Variants in ZC4H2 observed in about 807,000 individuals in gnomAD.
ZC4H2 encodes zinc finger C4H2 domain-containing protein.
For missense variants in ZC4H2, 137 were observed against 173.9 expected (o/e 0.79, Z 1.19); for synonymous variants, 84 against 66.3 (o/e 1.27, Z -1.30).
intron 1 of ZC4H2, among the ~76,000 whole-genome samples, chrX:65,032,739 TTCCTTCCTTCCTTCCTTCC>T (rs1406511843): frequency 4.3e-5 from 4 of 92,954 alleles, no homozygotes; most frequent in African/African-American, 1.6e-4. Flanking sequence ...CTTTCTTTCC[TTCCTTCCTTCCTTCCTTCC>T]TTCCTTCCTT....
chrX:65,031,120 C>T (rs1323116749), intron 1 of ZC4H2, among the ~76,000 whole-genome samples: 3 of 111,318 alleles, frequency 2.7e-5, no homozygotes, highest in African/African-American at 6.5e-5. Context: ...TCTTTAACAC[C>T]GTATTTAGCC....
At chrX:64,990,226 G>A (rs1036836891) in intron 1 of ZC4H2, among the ~76,000 whole-genome samples, 1 of 112,080 alleles carries the variant, frequency 8.9e-6, no homozygotes, top group African/African-American at 3.2e-5. Context: ...ATCTGTGGGT[G>A]AATCTCCAGA....
rs1024116972 is a variant in ZC4H2 at position 64,916,451 on chromosome X, G to A, written c.*1332C>T. 1 of 112,023 alleles carries A rather than the reference G, an allele frequency of 8.9e-6. No individual in the cohort carries two copies. Among genetic ancestry groups the A allele is most frequent in the East Asian group, 2.8e-4 (1 of 3,575 alleles). The allele number at this position is 112,023 out of a possible 1,213,427, so 9.2% of individuals were successfully genotyped here. A position where few individuals can be genotyped will look rare whatever the true frequency, so the allele number is the denominator to read the frequency against. ...TCAGAATTTACTCCAATGAATGCAT[G>A]TTAAAAGGATTTGTACAGACACAAC... On this transcript the variant is annotated 3_prime_UTR_variant, in exon 5 of 5. Coordinates refer to ENST00000374839, the MANE Select transcript of ZC4H2 (RefSeq NM_018684.4).
Position 64,954,390 on chromosome X carries a change from T to TTATATATA in ZC4H2, c.53+21927_53+21934dup, listed in dbSNP as rs200900040. Among the ~76,000 whole-genome samples the TTATATATA allele has an allele frequency of 4.7e-4, 34 of 72,141 alleles. 3 individuals carry two copies. The highest frequency in any genetic ancestry group is 4.2e-3 in the African/African-American group (32 of 7,659). 62.6% of individuals were successfully genotyped at this position (72,141 alleles called of 115,157 possible). ...TATATATAATTATATATATTTATAA[T>TTATATATA]TATATATATATATGCTCAAAAATTG... On this transcript the variant is annotated intron_variant, in intron 1 of 4. Coordinates refer to ENST00000374839, the MANE Select transcript of ZC4H2 (RefSeq NM_018684.4).
intron 1 of ZC4H2, among the ~76,000 whole-genome samples, chrX:65,013,389 C>A (rs1932777115): frequency 8.9e-6 from 1 of 111,910 alleles, no homozygotes; most frequent in African/African-American, 3.3e-5. Context: ...GCAGGCTAGA[C>A]TTAGTGACTT....
At chrX:65,007,027 A>T (rs1932676302) in intron 1 of ZC4H2, among the ~76,000 whole-genome samples, 1 of 112,232 alleles carries the variant, frequency 8.9e-6, no homozygotes, top group Non-Finnish European at 1.9e-5. Flanking sequence ...ACTAAAATGT[A>T]AGTTTCATGC....
At chrX:64,992,209 G>A (rs1005466301) in intron 1 of ZC4H2, among the ~76,000 whole-genome samples, 1 of 111,688 alleles carries the variant, frequency 9.0e-6, no homozygotes, top group Non-Finnish European at 1.9e-5. Context: ...CCTTATTTCA[G>A]TGACAATATA....
chrX:64,942,977 C>T (rs1930359932), intron 1 of ZC4H2, among the ~76,000 whole-genome samples: 1 of 112,189 alleles, frequency 8.9e-6, no homozygotes, highest in Non-Finnish European at 1.9e-5. Context: ...TCTCCACATC[C>T]TCTACTGCGT....
At chrX:64,962,068 T>C (rs973482308) in intron 1 of ZC4H2, among the ~76,000 whole-genome samples, 13 of 111,548 alleles carry the variant, frequency 1.2e-4, no homozygotes, top group Non-Finnish European at 2.1e-4. Context: ...TTTATGAGCC[T>C]AGCACTACCC....
chrX:64,938,382 C>T (rs1204756407), intron 1 of ZC4H2, among the ~76,000 whole-genome samples: 2 of 112,061 alleles, frequency 1.8e-5, no homozygotes, highest in Non-Finnish European at 3.8e-5. Context: ...ACCATTCCTT[C>T]TGAAACTATT....
intron 1 of ZC4H2, among the ~76,000 whole-genome samples, chrX:65,022,785 G>A (rs1325867245): frequency 2.7e-5 from 3 of 111,833 alleles, no homozygotes; most frequent in Non-Finnish European, 5.6e-5. Context: ...CACTGCTCAA[G>A]GAAATAAGAG....
chrX:65,009,646 C>T (rs986006988), intron 1 of ZC4H2, among the ~76,000 whole-genome samples: 2 of 112,054 alleles, frequency 1.8e-5, no homozygotes, highest in Non-Finnish European at 3.8e-5. Flanking sequence ...GGTTTGTTTG[C>T]TGTGTATTAT....
At chrX:64,922,266 GAAAAAAGAAAA>G (rs1443841739) in intron 1 of ZC4H2, 4 of 205,547 alleles carry the variant, frequency 1.9e-5, no homozygotes, top group Non-Finnish European at 2.9e-5. Flanking sequence ...AAAAGAAAAA[GAAAAAAGAAAA>G]AAAAAAGAAA....
rs1245297373 is a variant in ZC4H2 at position 65,007,969 on chromosome X, A to G, written c.-272+26660T>C. Among the ~76,000 whole-genome samples the G allele has an allele frequency of 6.3e-5, 7 of 111,786 alleles. No individual in the cohort carries two copies. The Admixed American group carries it at 6.7e-4, about 11-fold the overall frequency. On this transcript the variant is annotated intron_variant, in intron 1 of 4. Transcript: ENST00000337990. ...AACAAAAATGGACAAACTGGATCACATCAAGCTAAAAAGCTTCTGCACAGC... is the reference window on the plus strand; with the variant it reads ...AACAAAAATGGACAAACTGGATCACGTCAAGCTAAAAAGCTTCTGCACAGC...
chrX:64,961,315 G>T (rs190801546), intron 1 of ZC4H2, among the ~76,000 whole-genome samples: 3 of 111,212 alleles, frequency 2.7e-5, no homozygotes, highest in Admixed American at 9.6e-5. Flanking sequence ...TTTTGTTTGG[G>T]ATGATTTCTA....
intron 1 of ZC4H2, among the ~76,000 whole-genome samples, chrX:64,938,026 A>G (rs935468797): frequency 8.9e-6 from 1 of 112,009 alleles, no homozygotes; most frequent in Non-Finnish European, 1.9e-5. Context: ...ATCAAAATAG[A>G]TAGTCTGCTA....
At chrX:65,022,259 C>T (rs192549343) in intron 1 of ZC4H2, among the ~76,000 whole-genome samples, 2 of 111,788 alleles carry the variant, frequency 1.8e-5, no homozygotes, top group African/African-American at 6.5e-5. Context: ...TGATGAACAT[C>T]AATGCGAAAA....
intron 1 of ZC4H2, among the ~76,000 whole-genome samples, chrX:64,948,046 C>T (rs1406676491): frequency 9.0e-6 from 1 of 111,009 alleles, no homozygotes; most frequent in Admixed American, 9.7e-5. Flanking sequence ...TAACGACCCC[C>T]AGGAGCACTG....
intron 1 of ZC4H2, among the ~76,000 whole-genome samples, chrX:64,941,779 GC>G (rs1238178821): frequency 2.7e-5 from 3 of 111,943 alleles, no homozygotes; most frequent in African/African-American, 9.7e-5. Flanking sequence ...TTGATGTGCT[GC>G]TGGATTCGGT....
Sources: allele counts gnomAD v4.1 joint callset (sites outside exome capture counted in the v4.1 genomes callset), GRCh38; gene constraint gnomAD v4.1.1; transcripts MANE v1.5; gene names NCBI Gene and HGNC (gene_info 2026-07-23, HGNC 2026-07-21).